Variants in UBAC2 observed in about 807,000 individuals in gnomAD.
UBAC2 encodes the protein UBA domain containing 2.
Under a neutral mutation model 44.0 loss-of-function variants are expected in UBAC2, and 26 were observed. The observed-to-expected ratio is 0.59, with a 90% CI of 0.43 to 0.82. The LOEUF is 0.82. Ranked by LOEUF, UBAC2 falls within the 40% of genes least tolerant of loss-of-function variation. The probability of loss-of-function intolerance (pLI) is 0.00; values close to 1 mark genes in which losing one functional copy is unlikely to be tolerated. For synonymous variants in UBAC2, 155 were observed against 154.3 expected, an observed-to-expected ratio of 1.00 and a Z score of -0.04; for missense variants, 329 against 419.4, an observed-to-expected ratio of 0.78 and a Z score of 1.88.
chr13:99,229,436 T>A (rs1264316009), intron 1 of UBAC2, among the ~76,000 whole-genome samples: 3 of 152,226 alleles, frequency 2.0e-5, no homozygotes. Flanking sequence ...TGCGGTTTGA[T>A]TGCAGCAAAG....
chr13:99,285,268 T>C (rs1185953667), intron 4 of UBAC2, among the ~76,000 whole-genome samples: 1 of 152,146 alleles, frequency 6.6e-6, no homozygotes, highest in Non-Finnish European at 1.5e-5. Flanking sequence ...CTGCTGCTGC[T>C]GCTCCTCCTG....
intron 7 of UBAC2, among the ~76,000 whole-genome samples, chr13:99,348,692 A>G (rs1423653303): frequency 1.3e-5 from 2 of 152,248 alleles, no homozygotes; most frequent in Non-Finnish European, 2.9e-5. Context: ...AGCTCACTTT[A>G]GTCATAATAT....
intron 1 of UBAC2, among the ~76,000 whole-genome samples, chr13:99,218,531 C>T (rs1020004809): frequency 6.7e-6 from 1 of 149,776 alleles, no homozygotes; most frequent in African/African-American, 2.5e-5. Context: ...TTAGCACTTT[C>T]TCCTGCTTAT....
intron 4 of UBAC2, among the ~76,000 whole-genome samples, chr13:99,250,224 A>T (rs1391904851): frequency 2.0e-5 from 3 of 152,060 alleles, no homozygotes; most frequent in African/African-American, 7.2e-5. Context: ...ATCCATCTTG[A>T]ATTAATTTTT....
intron 8 of UBAC2, among the ~76,000 whole-genome samples, chr13:99,368,718 TGTGTGTGTAC>T (rs1359614395): frequency 1.6e-4 from 24 of 152,086 alleles, no homozygotes; most frequent in African/African-American, 5.5e-4. Context: ...TGTGTGTGTG[TGTGTGTGTAC>T]ACATACCCTC....
At chr13:99,232,433 TACTCTAAGG>T (rs2043186764) in intron 1 of UBAC2, among the ~76,000 whole-genome samples, 1 of 133,694 alleles carries the variant, frequency 7.5e-6, no homozygotes, top group Non-Finnish European at 1.6e-5. Context: ...CACACACACA[TACTCTAAGG>T]ACCAAAAGAA....
intron 8 of UBAC2, among the ~76,000 whole-genome samples, chr13:99,373,171 G>GTTT (rs58290528): frequency 7.1e-6 from 1 of 140,028 alleles, no homozygotes; most frequent in African/African-American, 2.7e-5. Flanking sequence ...CTTTTTTATT[G>GTTT]TTTTTTTTTT....
intron 6 of UBAC2, among the ~76,000 whole-genome samples, chr13:99,320,044 C>A (rs755346251): frequency 5.9e-5 from 9 of 152,100 alleles, no homozygotes; most frequent in Non-Finnish European, 1.0e-4. Flanking sequence ...ACTATTAATT[C>A]TTTTACTCTC....
intron 6 of UBAC2, among the ~76,000 whole-genome samples, chr13:99,324,149 C>G (rs1439609183): frequency 6.6e-6 from 1 of 152,200 alleles, no homozygotes; most frequent in African/African-American, 2.4e-5. Flanking sequence ...AAACACACAG[C>G]ACTTAGTATG....
intron 1 of UBAC2, among the ~76,000 whole-genome samples, chr13:99,203,028 TTTA>T (rs1418328316): frequency 1.3e-5 from 1 of 76,496 alleles, no homozygotes; most frequent in African/African-American, 4.9e-5. Context: ...TTTTATTTTA[TTTA>T]TTTATTTATT....
chr13:99,357,542 G>A (rs1449819525), intron 7 of UBAC2, among the ~76,000 whole-genome samples: 1 of 152,200 alleles, frequency 6.6e-6, no homozygotes, highest in African/African-American at 2.4e-5. Context: ...AAAACTAAGT[G>A]TAAGCATATT....
At chr13:99,337,625 A>C (rs1173017868) in intron 6 of UBAC2, among the ~76,000 whole-genome samples, 1 of 152,148 alleles carries the variant, frequency 6.6e-6, no homozygotes. Flanking sequence ...ATCTCTTTAA[A>C]TATAATATCC....
At chr13:99,237,271 T>TATATATAC (rs374683969) in intron 1 of UBAC2, among the ~76,000 whole-genome samples, 1 of 145,022 alleles carries the variant, frequency 6.9e-6, no homozygotes, top group South Asian at 2.2e-4. Flanking sequence ...TATATATATA[T>TATATATAC]ACACACACAC....
chr13:99,252,329 G>C (rs2043468563), intron 4 of UBAC2, among the ~76,000 whole-genome samples: 2 of 152,346 alleles, frequency 1.3e-5, no homozygotes, highest in South Asian at 4.1e-4. Context: ...GTTTGAGGGG[G>C]AACCAAGTTT....
intron 4 of UBAC2, among the ~76,000 whole-genome samples, chr13:99,287,302 C>G (rs1041986051): frequency 6.6e-6 from 1 of 152,082 alleles, no homozygotes; most frequent in African/African-American, 2.4e-5. Context: ...CAGGCAGGTA[C>G]CAGGTTTCAA....
At chr13:99,298,925 A>T in intron 4 of UBAC2, among the ~76,000 whole-genome samples, 1 of 152,176 alleles carries the variant, frequency 6.6e-6, no homozygotes. Context: ...TTTTTTTCTA[A>T]GTTCTTTGAA....
intron 4 of UBAC2, among the ~76,000 whole-genome samples, chr13:99,245,756 A>G (rs966316502): frequency 6.6e-6 from 1 of 152,244 alleles, no homozygotes. Context: ...AATCACTTGA[A>G]CCCGGGAGGC....
At position 99,385,724 on chromosome 13, in the gene UBAC2, G is replaced by A. The variant is rs920974015; in HGVS notation, c.*389G>A. On this transcript the variant is annotated 3_prime_UTR_variant, in exon 9 of 9. Coordinates refer to ENST00000403766, the MANE Select transcript of UBAC2 (RefSeq NM_001144072.2). Reference sequence around the variant, plus strand: ...TGCGTCGTGATGGGGAGAGGGTAATGTTACTTCACAAAGGACATGTCAGAT... The same window carrying A: ...TGCGTCGTGATGGGGAGAGGGTAATATTACTTCACAAAGGACATGTCAGAT... 5.3e-6 allele frequency: 1 copy of A among 189,716 alleles called. No individual in the cohort carries two copies. The highest frequency in any genetic ancestry group is 2.3e-5 in the African/African-American group (1 of 43,276). The allele number at this position is 189,716 out of a possible 1,614,324, so 11.8% of individuals were successfully genotyped here.
chr13:99,375,801 C>T (rs934184274), intron 8 of UBAC2, among the ~76,000 whole-genome samples: 14 of 110,888 alleles, frequency 1.3e-4, no homozygotes, highest in Middle Eastern at 5.0e-3. Context: ...TCCTTTTTCC[C>T]TTTTTTTTTT....
Sources: allele counts gnomAD v4.1 joint callset (sites outside exome capture counted in the v4.1 genomes callset), GRCh38; gene constraint gnomAD v4.1.1; transcripts MANE v1.5; gene names NCBI Gene and HGNC (gene_info 2026-07-23, HGNC 2026-07-21).